OR51B5: variants seen among roughly 807,000 people sequenced by gnomAD.
OR51B5 encodes the protein olfactory receptor family 51 subfamily B member 5.
For missense variants in OR51B5, 456 were observed against 374.6 expected, an observed-to-expected ratio of 1.22 and a Z score of -1.79; for synonymous variants, 186 against 144.8, an observed-to-expected ratio of 1.28 and a Z score of -2.04.
At chr11:5,378,700 C>A (rs549814182) in intron 1 of OR51B5, among the ~76,000 whole-genome samples, 27 of 152,230 alleles carry the variant, frequency 1.8e-4, no homozygotes, top group African/African-American at 6.3e-4. Flanking sequence ...AACCAAAAGA[C>A]ACATGAAAAA....
At chr11:5,423,999 G>A (rs901432825) in intron 1 of OR51B5, among the ~76,000 whole-genome samples, 5 of 151,990 alleles carry the variant, frequency 3.3e-5, no homozygotes, top group South Asian at 2.1e-4. Context: ...AATTTTTCAC[G>A]AGCAAATATT....
chr11:5,346,672 T>C (rs758342386), upstream of OR51B5, among the ~76,000 whole-genome samples: 10 of 152,194 alleles, frequency 6.6e-5, no homozygotes, highest in Non-Finnish European at 1.0e-4. Flanking sequence ...GCTTTTGAAG[T>C]TCTATCAACT....
At chr11:5,344,428 A>AAG (rs1408994874), upstream of OR51B5, among the ~76,000 whole-genome samples, 1 of 151,912 alleles carries the variant, frequency 6.6e-6, no homozygotes, top group Non-Finnish European at 1.5e-5. Flanking sequence ...ATATTTAAAC[A>AAG]TCCATCTTCC....
chr11:5,379,477 AT>A (rs560453625), intron 1 of OR51B5, among the ~76,000 whole-genome samples: 4,755 of 113,342 alleles, frequency 0.042, 251 homozygotes, highest in African/African-American at 0.13. Context: ...AATAAATAAA[AT>A]AAATAAAAAA....
In OR51B5 at chr11:5,343,298, A is replaced by G. The variant is rs370740392; in HGVS notation, c.227T>C (p.Met76Thr). ...CCAGAGGACTCCCAGCACCGTGGGC[A>G]TTGTGGTCAGGGCCAGCCCCAGGTC... The change falls in exon 1 of 1, where the codon ATG (methionine) becomes ACG (threonine). Residue 76 changes from methionine (M) to threonine (T), a missense_variant. Coordinates refer to ENST00000300773, the Ensembl canonical transcript of OR51B5. 2.8e-5 allele frequency: 45 copies of G among 1,611,912 alleles called. No homozygotes were observed. Among genetic ancestry groups the G allele is most frequent in the Non-Finnish European group, 3.7e-5 (44 of 1,178,992 alleles).
intron 1 of OR51B5, chr11:5,362,980 A>AG (rs1491145982): frequency 1.3e-5 from 2 of 151,986 alleles, no homozygotes; most frequent in African/African-American, 5.0e-5. Flanking sequence ...AAAAAAAAAA[A>AG]GAAATAATAG....
rs114959539 is a variant in OR51B5 at position 5,450,588 on chromosome 11, G to C, written n.84+54981C>G. On this transcript the variant is annotated intron_variant and non_coding_transcript_variant, in intron 1 of 4. Transcript: ENST00000415970. ...CTCAAGGTTCTAGTTCCAGGAATAG[G>C]AGAATTTGTGTTCAGCCTTGGAGAC... 1.6e-3 allele frequency among the ~76,000 whole-genome samples: 247 copies of C among 152,230 alleles called. 2 individuals carry two copies. The highest frequency in any genetic ancestry group is 4.3e-3 in the African/African-American group (180 of 41,536).
At chr11:5,455,090 TC>T (rs1850930539) in intron 1 of OR51B5, 2 of 152,226 alleles carry the variant, frequency 1.3e-5, no homozygotes, top group African/African-American at 4.8e-5. Flanking sequence ...ACAAATGTGA[TC>T]CAGGTAAACT....
intron 1 of OR51B5, among the ~76,000 whole-genome samples, chr11:5,466,693 G>A (rs967379938): frequency 6.6e-6 from 1 of 152,106 alleles, no homozygotes; most frequent in Admixed American, 6.6e-5. Flanking sequence ...ATGACTTGTG[G>A]GATCCTCTGA....
In OR51B5 at chr11:5,374,968, A is replaced by G. The variant is rs562370455; in HGVS notation, n.85-28058T>C. Among the ~76,000 whole-genome samples, 26 of 151,976 alleles carry G rather than the reference A, an allele frequency of 1.7e-4. No individual in the cohort carries two copies. In the East Asian group the frequency reaches 4.6e-3, roughly 27 times the overall value. On this transcript the variant is annotated intron_variant and non_coding_transcript_variant, in intron 1 of 4. Transcript: ENST00000415970. ...GCAAGGCAGGCCAACATTCAGATTC[A>G]GGAAATACAGAGAACGCCACAAACA...
Position 5,490,700 on chromosome 11 carries a change from A to G in OR51B5, n.84+14869T>C, listed in dbSNP as rs547264539. On this transcript the variant is annotated intron_variant and non_coding_transcript_variant, in intron 1 of 4. Transcript: ENST00000415970. ...TAGCCTAAGGTTATGGCATTTATTG[A>G]CAATATCTCATACACTGTCCAGTAT... 3.9e-5 allele frequency among the ~76,000 whole-genome samples: 6 copies of G among 152,322 alleles called. No homozygotes were observed. In the South Asian group the frequency reaches 1.2e-3, roughly 32 times the overall value.
intron 1 of OR51B5, among the ~76,000 whole-genome samples, chr11:5,448,453 C>G (rs1850801725): frequency 6.6e-6 from 1 of 152,136 alleles, no homozygotes; most frequent in Non-Finnish European, 1.5e-5. Context: ...GAATGGGGTA[C>G]AAGCTAGAGA....
intron 1 of OR51B5, chr11:5,441,327 T>C (rs762555411): frequency 1.2e-5 from 19 of 1,612,776 alleles, no homozygotes; most frequent in Non-Finnish European, 1.6e-5. Flanking sequence ...AGAGAGGAAG[T>C]AGTACATGGG....
At chr11:5,489,006 C>A (rs1457912671) in intron 1 of OR51B5, 5 of 1,613,940 alleles carry the variant, frequency 3.1e-6, no homozygotes, top group Non-Finnish European at 3.4e-6. Flanking sequence ...TTGGTGGATG[C>A]CTGGCCCAGA....
At chr11:5,342,865 G>A in exon 1 of OR51B5, 1 of 1,613,010 alleles carries the variant, frequency 6.2e-7, no homozygotes, top group Non-Finnish European at 8.5e-7. Flanking sequence ...GGACAGTCTT[G>A]AGTATCAACA....
chr11:5,390,159 C>T lies in OR51B5; in HGVS notation n.85-43249G>A, dbSNP rs201363035. 44 of 1,613,746 alleles carry T rather than the reference C, an allele frequency of 2.7e-5. No individual in the cohort carries two copies. Among genetic ancestry groups the T allele is most frequent in the Non-Finnish European group, 3.4e-5 (40 of 1,179,830 alleles). ...CAGCGCCGTGCCTTTCAGACATGCA[C>T]CGCTCCTCTCTGTGCTGTGCTAGTA... On this transcript the variant is annotated intron_variant and non_coding_transcript_variant, in intron 1 of 4. Coordinates refer to the OR51B5 transcript ENST00000415970.
chr11:5,450,629 AT>A (rs1194731410), intron 1 of OR51B5, among the ~76,000 whole-genome samples: 3 of 151,904 alleles, frequency 2.0e-5, no homozygotes, highest in Admixed American at 6.6e-5. Context: ...CTTTTGTGTA[AT>A]TTTTTCTTAT....
intron 1 of OR51B5, among the ~76,000 whole-genome samples, chr11:5,405,740 A>G (rs181403681): frequency 6.0e-4 from 91 of 152,362 alleles, no homozygotes; most frequent in African/African-American, 2.0e-3. Context: ...TGCTTTTACA[A>G]GAAGTCTTAA....
At chr11:5,389,971 C>A in intron 1 of OR51B5, 1 of 1,612,094 alleles carries the variant, frequency 6.2e-7, no homozygotes, top group Non-Finnish European at 8.5e-7. Context: ...ACTCATTTTG[C>A]CTGCACCAGG....
Sources: allele counts gnomAD v4.1 joint callset (sites outside exome capture counted in the v4.1 genomes callset), GRCh38; gene constraint gnomAD v4.1.1; transcripts MANE v1.5; gene names NCBI Gene and HGNC (gene_info 2026-07-23, HGNC 2026-07-21).